FSTL4: variants seen among roughly 807,000 people sequenced by gnomAD.
FSTL4 encodes the protein follistatin-related protein 4.
FSTL4 carries 28 observed loss-of-function variants against 78.2 expected under a neutral mutation model. The observed-to-expected ratio is 0.36, with a 90% CI of 0.27 to 0.49. The LOEUF (loss-of-function observed/expected upper bound fraction) is 0.49. Ranked by LOEUF, FSTL4 falls within the 20% of genes least tolerant of loss-of-function variation. The pLI, the probability that FSTL4 is intolerant of heterozygous loss-of-function variation, is 0.98. For missense variants in FSTL4, 922 were observed against 1,084.9 expected, an observed-to-expected ratio of 0.85 and a Z score of 2.11; for synonymous variants, 422 against 440.5, an observed-to-expected ratio of 0.96 and a Z score of 0.53.
intron 6 of FSTL4, chr5:133,312,331 G>T: frequency 3.7e-6 from 1 of 268,026 alleles, no homozygotes; most frequent in Non-Finnish European, 7.0e-6. Flanking sequence ...CCTAAAATCT[G>T]CTTCCTTCTC....
chr5:133,228,035 T>C (rs965113550), intron 8 of FSTL4, among the ~76,000 whole-genome samples: 1 of 152,190 alleles, frequency 6.6e-6, no homozygotes, highest in Non-Finnish European at 1.5e-5. Flanking sequence ...GAGACTAGCC[T>C]GGGCAACATG....
At position 133,328,284 on chromosome 5, in the gene FSTL4, T is replaced by C. The variant is rs147570203; in HGVS notation, c.410-11632A>G. On this transcript the variant is annotated intron_variant, in intron 4 of 15. Transcript: ENST00000265342. The stretch of plus-strand genomic sequence containing the variant: ...AATTTGCACCCCAGCATCAGGTCAT[T>C]TAAATTAACAAAACCACCCAGACCT... Among the ~76,000 whole-genome samples, 136 of 152,336 alleles carry C rather than the reference T, an allele frequency of 8.9e-4. 1 individual carries two copies. The highest frequency in any genetic ancestry group is 3.2e-3 in the African/African-American group (135 of 41,574).
At chr5:133,779,916 G>C in the FSTL4 span, among the ~76,000 whole-genome samples, 3 of 152,168 alleles carry the variant, frequency 2.0e-5, no homozygotes, top group Admixed American at 2.0e-4. Flanking sequence ...AAGCCAGAAG[G>C]GAGGTGAGCA....
chr5:133,294,291 C>T (rs1006811344), intron 6 of FSTL4, among the ~76,000 whole-genome samples: 1 of 152,122 alleles, frequency 6.6e-6, no homozygotes, highest in Non-Finnish European at 1.5e-5. Flanking sequence ...TGTGTGGTGT[C>T]CAGGGTGTTA....
the FSTL4 span, among the ~76,000 whole-genome samples, chr5:133,669,139 C>T: frequency 6.6e-6 from 1 of 152,210 alleles, no homozygotes; most frequent in Admixed American, 6.5e-5. Flanking sequence ...TCACCAAAAT[C>T]ACTTCTTCAA....
chr5:133,754,856 C>G, the FSTL4 span, among the ~76,000 whole-genome samples: 1 of 152,156 alleles, frequency 6.6e-6, no homozygotes, highest in African/African-American at 2.4e-5. Flanking sequence ...CACCATCCAC[C>G]TTTCCAGCCA....
At chr5:133,806,475 G>A in the FSTL4 span, among the ~76,000 whole-genome samples, 45 of 152,314 alleles carry the variant, frequency 3.0e-4, 1 homozygote, top group Admixed American at 5.9e-4. Context: ...GTAAACAAAA[G>A]GGCAGGCCTC....
chr5:133,393,325 G>C (rs1755904136), intron 4 of FSTL4, among the ~76,000 whole-genome samples: 1 of 152,184 alleles, frequency 6.6e-6, no homozygotes, highest in African/African-American at 2.4e-5. Flanking sequence ...GAGATGTGTG[G>C]CGTTTCTTTT....
intron 3 of FSTL4, among the ~76,000 whole-genome samples, chr5:133,535,725 G>A (rs567263834): frequency 3.9e-4 from 59 of 152,104 alleles, no homozygotes; most frequent in Admixed American, 1.0e-3. Flanking sequence ...AGCTGTTCTC[G>A]GCAGAGAACA....
chr5:133,791,778 C>G, the FSTL4 span, among the ~76,000 whole-genome samples: 1 of 152,254 alleles, frequency 6.6e-6, no homozygotes, highest in Non-Finnish European at 1.5e-5. Context: ...CCCTCCTCCT[C>G]CTCTGTGAGG....
At chr5:133,496,347 C>T (rs536696203) in intron 3 of FSTL4, among the ~76,000 whole-genome samples, 5 of 152,296 alleles carry the variant, frequency 3.3e-5, no homozygotes, top group South Asian at 2.1e-4. Flanking sequence ...TGCCCAATTC[C>T]GTGGTCTGAC....
intron 3 of FSTL4, among the ~76,000 whole-genome samples, chr5:133,445,666 A>G (rs960492323): frequency 1.3e-5 from 2 of 152,188 alleles, no homozygotes; most frequent in South Asian, 4.1e-4. Flanking sequence ...GGTAGCTGGG[A>G]GTATGCCAGG....
intron 3 of FSTL4, among the ~76,000 whole-genome samples, chr5:133,485,239 AT>A (rs1312693437): frequency 1.3e-5 from 2 of 152,248 alleles, no homozygotes; most frequent in East Asian, 3.8e-4. Flanking sequence ...TCTCTTAAGC[AT>A]GTGCTTCTGA....
At chr5:133,594,231 C>T (rs1364156781) in intron 2 of FSTL4, among the ~76,000 whole-genome samples, 1 of 152,200 alleles carries the variant, frequency 6.6e-6, no homozygotes, top group African/African-American at 2.4e-5. Flanking sequence ...CACTCTGTTG[C>T]CCAGGCTGGA....
At chr5:133,728,474 G>A in the FSTL4 span, among the ~76,000 whole-genome samples, 1 of 152,158 alleles carries the variant, frequency 6.6e-6, no homozygotes, top group Non-Finnish European at 1.5e-5. Context: ...GGGTAAATAA[G>A]GTCCATCCAC....
At chr5:133,284,981 G>A (rs1753096885) in intron 6 of FSTL4, among the ~76,000 whole-genome samples, 1 of 152,210 alleles carries the variant, frequency 6.6e-6, no homozygotes, top group Non-Finnish European at 1.5e-5. Context: ...CAGACTTGGT[G>A]AGGTGGGAAA....
rs115986340 is a variant in FSTL4 at position 133,600,282 on chromosome 5, G to A, written c.126+3576C>T. On this transcript the variant is annotated intron_variant, in intron 2 of 15. Coordinates refer to ENST00000265342, the MANE Select transcript of FSTL4 (RefSeq NM_015082.2). ...CTAATGTCAGTGTTCTGAGCATGCT[G>A]AAGGCAGGTCAGACTAGGCTACGAT... Among the ~76,000 whole-genome samples the A allele has an allele frequency of 2.1e-3, 322 of 152,288 alleles. 2 individuals carry two copies. Among genetic ancestry groups the A allele is most frequent in the African/African-American group, 7.5e-3 (311 of 41,542 alleles).
chr5:133,647,064 G>A, the FSTL4 span, among the ~76,000 whole-genome samples: 1 of 152,108 alleles, frequency 6.6e-6, no homozygotes, highest in Non-Finnish European at 1.5e-5. Context: ...GGCAATGTTT[G>A]TTTTGTCTCC....
chr5:133,348,011 T>C (rs544591764), intron 4 of FSTL4, among the ~76,000 whole-genome samples: 1 of 152,262 alleles, frequency 6.6e-6, no homozygotes, highest in Non-Finnish European at 1.5e-5. Flanking sequence ...TTGGTGAGGA[T>C]AGTATTTCAG....
Sources: allele counts gnomAD v4.1 joint callset (sites outside exome capture counted in the v4.1 genomes callset), GRCh38; gene constraint gnomAD v4.1.1; transcripts MANE v1.5; gene names NCBI Gene and HGNC (gene_info 2026-07-23, HGNC 2026-07-21).